The following PACRG variants were observed in gnomAD, a reference collection of about 807,000 sequenced individuals.
PACRG encodes parkin coregulated gene protein.
A neutral mutation model predicts 29.7 loss-of-function variants in PACRG; 29 were observed. The observed-to-expected ratio is 0.98, with a 90% confidence interval of 0.73 to 1.33. The LOEUF (loss-of-function observed/expected upper bound fraction) is 1.33, where lower values mean the gene tolerates loss of function less well. PACRG is among the 40% of genes most tolerant of loss of function. The probability of loss-of-function intolerance (pLI) is 0.00; values close to 1 mark genes in which losing one functional copy is unlikely to be tolerated. For synonymous variants in PACRG, 116 were observed against 118.7 expected (o/e 0.98, Z 0.15); for missense variants, 279 against 316.2 (o/e 0.88, Z 0.89).
At chr6:163,297,873 A>G (rs186110990) in intron 4 of PACRG, among the ~76,000 whole-genome samples, 124 of 152,234 alleles carry the variant, frequency 8.1e-4, no homozygotes, top group Middle Eastern at 3.4e-3. Context: ...AACCTAATTC[A>G]CTGTAAATGT....
At chr6:162,931,664 C>A (rs949307409) in intron 2 of PACRG, among the ~76,000 whole-genome samples, 19 of 151,902 alleles carry the variant, frequency 1.3e-4, no homozygotes, top group African/African-American at 4.3e-4. Flanking sequence ...ATGCCAAATA[C>A]CACATGATTA....
intron 2 of PACRG, among the ~76,000 whole-genome samples, chr6:162,912,880 A>G (rs1584738896): frequency 6.6e-6 from 1 of 151,464 alleles, no homozygotes; most frequent in Non-Finnish European, 1.5e-5. Flanking sequence ...CACACATTAT[A>G]TTCTTATAAA....
At chr6:163,086,305 C>T (rs1026626574) in intron 3 of PACRG, among the ~76,000 whole-genome samples, 5 of 152,200 alleles carry the variant, frequency 3.3e-5, no homozygotes, top group Non-Finnish European at 5.9e-5. Flanking sequence ...CCTTCTTCCT[C>T]CTCACCTTCT....
intron 2 of PACRG, among the ~76,000 whole-genome samples, chr6:162,859,527 T>G (rs940203041): frequency 1.3e-5 from 2 of 152,052 alleles, no homozygotes; most frequent in African/African-American, 4.8e-5. Context: ...TCTCTCACCT[T>G]CTCCCTCCCT....
At chr6:163,290,280 A>G (rs12525516) in intron 4 of PACRG, among the ~76,000 whole-genome samples, 12,485 of 46,064 alleles carry the variant, frequency 0.27, 625 homozygotes, top group African/African-American at 0.42. Flanking sequence ...GCGCGCGCGC[A>G]CACACACACA....
chr6:163,020,051 A>C lies in PACRG; in HGVS notation c.292-42099A>C, dbSNP rs532958498. On this transcript the variant is annotated intron_variant, in intron 2 of 4. Coordinates refer to ENST00000366888, the MANE Select transcript of PACRG (RefSeq NM_001080379.2). ...AAAACAGGAATCCTTAGAAGATCCT[A>C]ATTACAGGAAATAATTACTCACAGA... is the stretch of plus-strand genomic sequence containing the variant. 7.2e-5 allele frequency among the ~76,000 whole-genome samples: 11 copies of C among 152,336 alleles called. No individual in the cohort carries two copies. The South Asian group carries it at 2.1e-3, about 29-fold the overall frequency.
At chr6:163,099,407 G>A (rs936240420) in intron 4 of PACRG, among the ~76,000 whole-genome samples, 3 of 152,116 alleles carry the variant, frequency 2.0e-5, no homozygotes, top group Admixed American at 1.3e-4. Flanking sequence ...GCACATATTC[G>A]CCCAAGAGAA....
At chr6:162,946,769 A>T (rs892753242) in intron 2 of PACRG, among the ~76,000 whole-genome samples, 1 of 152,142 alleles carries the variant, frequency 6.6e-6, no homozygotes, top group Admixed American at 6.6e-5. Context: ...TATCAAAAAG[A>T]TAATATACCA....
chr6:163,196,176 G>C (rs1361684043), intron 4 of PACRG, among the ~76,000 whole-genome samples: 1 of 152,238 alleles, frequency 6.6e-6, no homozygotes, highest in Non-Finnish European at 1.5e-5. Flanking sequence ...TCTAGAGTTA[G>C]GGAAGTAGAA....
chr6:162,933,904 A>G (rs1010450379), intron 2 of PACRG, among the ~76,000 whole-genome samples: 2 of 152,162 alleles, frequency 1.3e-5, no homozygotes, highest in Non-Finnish European at 2.9e-5. Flanking sequence ...GAGAGGGGAA[A>G]CAAGAGAGAG....
rs972229215 is a variant in PACRG, at chr6:163,186,017, A to G, written c.613+96609A>G. 4.6e-5 allele frequency among the ~76,000 whole-genome samples: 7 copies of G among 152,088 alleles called. No individual in the cohort carries two copies. In the South Asian group the frequency reaches 1.0e-3, roughly 23 times the overall value. ...TCCTCTCTCTGTTTTGGTCCAGCCT[A>G]TATGTCACAGGGCTTCTTTAAACAG... is the stretch of plus-strand genomic sequence containing the variant. On this transcript the variant is annotated intron_variant, in intron 4 of 4. Coordinates refer to ENST00000366888, the MANE Select transcript of PACRG (RefSeq NM_001080379.2).
rs145224946 is a variant in PACRG at position 162,765,313 on chromosome 6, A to C, written c.156+36922A>C. ...GCTAAGGCCTCCTTATTCAAGGGAG[A>C]GGGAAACCCTTGAAAACATTTTACT... On this transcript the variant is annotated intron_variant, in intron 1 of 4. Coordinates refer to ENST00000366888, the MANE Select transcript of PACRG (RefSeq NM_001080379.2). Among the ~76,000 whole-genome samples, 3 of 152,178 alleles carry C rather than the reference A, an allele frequency of 2.0e-5. No homozygotes were observed. The East Asian group carries it at 5.8e-4, about 30-fold the overall frequency.
intron 4 of PACRG, among the ~76,000 whole-genome samples, chr6:163,174,046 G>A (rs891641443): frequency 2.0e-5 from 3 of 152,228 alleles, no homozygotes; most frequent in East Asian, 1.9e-4. Context: ...GTGTAGCCAC[G>A]CACCGCACTT....
chr6:163,098,519 G>A (rs1300408579), intron 4 of PACRG, among the ~76,000 whole-genome samples: 2 of 152,186 alleles, frequency 1.3e-5, no homozygotes, highest in African/African-American at 2.4e-5. Context: ...CCAGGCGGGA[G>A]AGCCCAGATG....
intron 2 of PACRG, chr6:162,997,585 A>G: frequency 6.3e-6 from 2 of 319,796 alleles, no homozygotes. Flanking sequence ...AAAAGAGGTG[A>G]CAATTTGACA....
chr6:163,138,658 C>T (rs770388413), intron 4 of PACRG, among the ~76,000 whole-genome samples: 5 of 152,164 alleles, frequency 3.3e-5, no homozygotes, highest in Non-Finnish European at 7.4e-5. Context: ...AATGTGTGCT[C>T]GCCCACTGCT....
At chr6:163,021,947 C>T (rs549214149) in intron 2 of PACRG, among the ~76,000 whole-genome samples, 2 of 152,324 alleles carry the variant, frequency 1.3e-5, no homozygotes, top group African/African-American at 4.8e-5. Flanking sequence ...ATTTTAATAT[C>T]CCAAAATATT....
At chr6:163,081,942 A>G (rs1013673280) in intron 3 of PACRG, among the ~76,000 whole-genome samples, 2 of 152,232 alleles carry the variant, frequency 1.3e-5, no homozygotes, top group African/African-American at 4.8e-5. Context: ...AGGAGAGATA[A>G]ATATTAGAAA....
chr6:163,241,797 GA>G (rs1165636419), intron 4 of PACRG, among the ~76,000 whole-genome samples: 1 of 152,152 alleles, frequency 6.6e-6, no homozygotes, highest in African/African-American at 2.4e-5. Flanking sequence ...AAAACCAGGT[GA>G]ATGAGAGGCC....
Sources: gnomAD v4.1 joint callset for allele counts (sites outside exome capture counted in the v4.1 genomes callset) on GRCh38, gnomAD v4.1.1 for gene constraint, MANE v1.5 for transcripts, NCBI Gene and HGNC (gene_info 2026-07-23, HGNC 2026-07-21) for gene names.